The following LDLRAD3 variants were observed in gnomAD, a reference collection of about 807,000 sequenced individuals.
LDLRAD3 encodes low-density lipoprotein receptor class A domain-containing protein 3.
A neutral mutation model predicts 29.4 loss-of-function variants in LDLRAD3; 20 were observed. The observed-to-expected ratio is 0.68, with a 90% CI of 0.48 to 0.99. The LOEUF (loss-of-function observed/expected upper bound fraction) is 0.99. Ranked by LOEUF, LDLRAD3 falls within the 50% of genes least tolerant of loss-of-function variation. LDLRAD3 has a pLI of 0.00. For synonymous variants in LDLRAD3, 157 were observed against 192.7 expected (o/e 0.81, Z 1.53); for missense variants, 420 against 454.3 (o/e 0.92, Z 0.69).
intron 4 of LDLRAD3, 95 bp downstream of exon 4, chr11:36,098,556 C>A: frequency 7.1e-7 from 1 of 1,412,046 alleles, no homozygotes; most frequent in Non-Finnish European, 9.8e-7. Context: ...ATTCCCATTC[C>A]AAACACAATA....
intron 1 of LDLRAD3, among the ~76,000 whole-genome samples, chr11:36,031,182 AAAAG>A (rs1852231512): frequency 6.6e-6 from 1 of 152,146 alleles, no homozygotes; most frequent in African/African-American, 2.4e-5. Flanking sequence ...CTTAATGAAA[AAAAG>A]AGAAGGGAGG....
chr11:36,217,892 C>A (rs1391110121), intron 4 of LDLRAD3, among the ~76,000 whole-genome samples: 3 of 152,184 alleles, frequency 2.0e-5, no homozygotes, highest in African/African-American at 4.8e-5. Flanking sequence ...AGACACTCAT[C>A]ATTGGATCTA....
chr11:36,201,845 C>T (rs1207625778), intron 4 of LDLRAD3, among the ~76,000 whole-genome samples: 4 of 152,208 alleles, frequency 2.6e-5, no homozygotes, highest in African/African-American at 4.8e-5. Context: ...TTTTTCTCAA[C>T]TCTTCCTTTA....
At chr11:36,037,020 T>A (rs1287804026) in intron 2 of LDLRAD3, among the ~76,000 whole-genome samples, 1 of 152,180 alleles carries the variant, frequency 6.6e-6, no homozygotes, top group Non-Finnish European at 1.5e-5. Flanking sequence ...GAGGTGTATT[T>A]CTCTTCCTCT....
At chr11:36,170,860 G>C (rs1854589264) in intron 4 of LDLRAD3, among the ~76,000 whole-genome samples, 1 of 151,642 alleles carries the variant, frequency 6.6e-6, no homozygotes, top group African/African-American at 2.4e-5. Context: ...GGAGTGCAGG[G>C]GCGCGATCTT....
intron 1 of LDLRAD3, among the ~76,000 whole-genome samples, chr11:36,002,811 A>G (rs921069238): frequency 1.3e-5 from 2 of 152,232 alleles, no homozygotes; most frequent in African/African-American, 2.4e-5. Context: ...TTCCAGTAGA[A>G]AAGAATTAGA....
At chr11:36,069,385 C>A (rs1440059632) in intron 2 of LDLRAD3, among the ~76,000 whole-genome samples, 1 of 152,240 alleles carries the variant, frequency 6.6e-6, no homozygotes, top group African/African-American at 2.4e-5. Context: ...TGACCTTTTA[C>A]CAAATGAGCT....
chr11:36,192,736 C>T (rs545696791), intron 4 of LDLRAD3, among the ~76,000 whole-genome samples: 10 of 152,250 alleles, frequency 6.6e-5, no homozygotes, highest in East Asian at 3.9e-4. Flanking sequence ...AATGTGTTAC[C>T]GGAGTTGTCT....
In LDLRAD3 at chr11:36,229,153, A is replaced by C. The variant is rs756975237; in HGVS notation, c.801-7A>C. Reference sequence around the variant, plus strand: ...TTGCCCCTGCCCCCCTGCTGTCCCCATCACAGGCCTGCGTGGTATGACCTT... The same window carrying C: ...TTGCCCCTGCCCCCCTGCTGTCCCCCTCACAGGCCTGCGTGGTATGACCTT... On this transcript the variant is annotated splice_polypyrimidine_tract_variant and splice_region_variant and intron_variant, in intron 5 of 5. Transcript: ENST00000315571. The C allele has an allele frequency of 6.8e-6, 11 of 1,607,586 alleles. No individual in the cohort carries two copies. The highest frequency in any genetic ancestry group is 9.4e-6 in the Non-Finnish European group (11 of 1,174,574).
intron 1 of LDLRAD3, among the ~76,000 whole-genome samples, chr11:36,020,308 A>G (rs1297252469): frequency 2.0e-5 from 3 of 152,206 alleles, no homozygotes; most frequent in South Asian, 2.1e-4. Flanking sequence ...TTTGGTTCCT[A>G]TGCCCGCTCC....
chr11:35,966,016 T>TA (rs1421791327), intron 1 of LDLRAD3, among the ~76,000 whole-genome samples: 1 of 152,252 alleles, frequency 6.6e-6, no homozygotes, highest in East Asian at 1.9e-4. Flanking sequence ...TGAATTCTCT[T>TA]ACCCTTTTAT....
intron 2 of LDLRAD3, among the ~76,000 whole-genome samples, chr11:36,078,981 T>G (rs1853064616): frequency 1.3e-5 from 2 of 152,126 alleles, no homozygotes; most frequent in African/African-American, 4.8e-5. Flanking sequence ...AGAGCGAGGT[T>G]AAGACTGTGG....
In LDLRAD3 at chr11:36,115,867, C is replaced by T. The variant is rs186049547; in HGVS notation, c.454+17406C>T. Among the ~76,000 whole-genome samples, 81 of 152,304 alleles carry T rather than the reference C, an allele frequency of 5.3e-4. 1 individual carries two copies. In the East Asian group the frequency reaches 0.013, roughly 25 times the overall value. On this transcript the variant is annotated intron_variant, in intron 4 of 5. Coordinates refer to ENST00000315571, the MANE Select transcript of LDLRAD3 (RefSeq NM_174902.4). ...GTGAGAAAGTTTTTAAAAATAAAGT[C>T]CTTCTGCTTTGGGTATAAATCTCAG...
intron 1 of LDLRAD3, among the ~76,000 whole-genome samples, chr11:35,978,120 T>C (rs752696039): frequency 6.6e-5 from 10 of 152,170 alleles, no homozygotes; most frequent in Non-Finnish European, 1.3e-4. Flanking sequence ...AGTGGGGATC[T>C]TCTTACTGAT....
chr11:36,217,617 A>G (rs1855370045), intron 4 of LDLRAD3, among the ~76,000 whole-genome samples: 1 of 152,226 alleles, frequency 6.6e-6, no homozygotes, highest in South Asian at 2.1e-4. Context: ...AATGACCACA[A>G]ACTTGGCTTT....
At chr11:36,101,885 C>CTTT (rs397848318) in intron 4 of LDLRAD3, 435 of 224,394 alleles carry the variant, frequency 1.9e-3, no homozygotes, top group South Asian at 3.3e-3. Flanking sequence ...CCACTGTCAT[C>CTTT]TTTTTTTTTT....
In LDLRAD3 at chr11:36,060,485, C is replaced by T. The variant is rs571626169; in HGVS notation, c.194-21168C>T. Among the ~76,000 whole-genome samples the T allele has an allele frequency of 5.9e-5, 9 of 152,254 alleles. No individual in the cohort carries two copies. The East Asian group carries it at 1.7e-3, about 29-fold the overall frequency. On this transcript the variant is annotated intron_variant, in intron 2 of 5. Coordinates refer to ENST00000315571, the MANE Select transcript of LDLRAD3 (RefSeq NM_174902.4). ...GAGTTGTTGCTCTTAATCACCCCAC[C>T]ACAGTGCTTGTTGAGGAAATGAATG...
At chr11:36,022,519 C>T (rs537830747) in intron 1 of LDLRAD3, among the ~76,000 whole-genome samples, 5 of 151,962 alleles carry the variant, frequency 3.3e-5, no homozygotes, top group Admixed American at 6.6e-5. Flanking sequence ...GCTCCAATAC[C>T]AAGATGGACA....
In LDLRAD3 at chr11:35,978,576, AC is replaced by A. The variant is rs578197976; in HGVS notation, c.46+34436del. ...TTGGGACATGTGATTCTGACCCAGT[AC>A]CCCAGACCTGAAGGCCCCTCTATGT... On this transcript the variant is annotated intron_variant, in intron 1 of 5. Coordinates refer to ENST00000315571, the MANE Select transcript of LDLRAD3 (RefSeq NM_174902.4). Among the ~76,000 whole-genome samples, 61 of 152,262 alleles carry A rather than the reference AC, an allele frequency of 4.0e-4. No homozygotes were observed. The South Asian group carries it at 7.5e-3, about 19-fold the overall frequency.
Sources: gnomAD v4.1 joint callset for allele counts (sites outside exome capture counted in the v4.1 genomes callset) on GRCh38, gnomAD v4.1.1 for gene constraint, MANE v1.5 for transcripts, NCBI Gene and HGNC (gene_info 2026-07-23, HGNC 2026-07-21) for gene names.